The following METTL15 variants were observed in gnomAD, a reference collection of about 807,000 sequenced individuals.
The protein encoded by METTL15 is 12S rRNA N(4)-cytidine methyltransferase METTL15.
METTL15 carries 34 observed loss-of-function variants against 38.3 expected under a neutral mutation model. The observed-to-expected ratio is 0.89, with a 90% CI of 0.68 to 1.18. The LOEUF (loss-of-function observed/expected upper bound fraction) is 1.18. Among genes scored for constraint, METTL15 ranks in the 50% most tolerant of loss-of-function variants. The pLI, the probability that METTL15 is intolerant of heterozygous loss-of-function variation, is 0.00. For missense variants in METTL15, 438 were observed against 498.4 expected, an observed-to-expected ratio of 0.88 and a Z score of 1.15; for synonymous variants, 162 against 170.9, an observed-to-expected ratio of 0.95 and a Z score of 0.41.
intron 3 of METTL15, among the ~76,000 whole-genome samples, chr11:28,164,624 T>C (rs1341438902): frequency 6.6e-6 from 1 of 152,102 alleles, no homozygotes; most frequent in African/African-American, 2.4e-5. Context: ...TACGGAATGA[T>C]TAAATCAAGC....
chr11:28,529,789 G>T (rs1485041139), downstream of METTL15, among the ~76,000 whole-genome samples: 1 of 151,958 alleles, frequency 6.6e-6, no homozygotes, highest in Non-Finnish European at 1.5e-5. Context: ...GTGCCCTCTG[G>T]TGGACAAAAT....
At chr11:28,307,291 G>C (rs1436574745) in intron 6 of METTL15, among the ~76,000 whole-genome samples, 1 of 151,826 alleles carries the variant, frequency 6.6e-6, no homozygotes, top group East Asian at 1.9e-4. Context: ...TGGACTACAA[G>C]ACTATATGAG....
intron 6 of METTL15, among the ~76,000 whole-genome samples, chr11:28,518,450 A>G (rs1250755972): frequency 6.6e-6 from 1 of 152,236 alleles, no homozygotes; most frequent in Admixed American, 6.5e-5. Flanking sequence ...TCTAGCAGCG[A>G]GGTGGCTGCA....
chr11:28,486,998 A>T (rs1035638280), intron 6 of METTL15, among the ~76,000 whole-genome samples: 1 of 152,094 alleles, frequency 6.6e-6, no homozygotes, highest in African/African-American at 2.4e-5. Flanking sequence ...TAAAATGCAA[A>T]TTAAGAAAAA....
At chr11:28,481,717 G>A (rs2133473633) in intron 6 of METTL15, among the ~76,000 whole-genome samples, 1 of 152,272 alleles carries the variant, frequency 6.6e-6, no homozygotes, top group East Asian at 1.9e-4. Flanking sequence ...CCGCAGCTCA[G>A]GCTGCTCAGC....
At chr11:28,185,559 G>A (rs1018400261) in intron 3 of METTL15, among the ~76,000 whole-genome samples, 3 of 151,404 alleles carry the variant, frequency 2.0e-5, no homozygotes, top group African/African-American at 4.8e-5. Context: ...ATTAGTGATA[G>A]TTCAGGATCA....
chr11:28,267,923 C>T (rs147834734), intron 4 of METTL15, among the ~76,000 whole-genome samples: 15,836 of 152,108 alleles, frequency 0.1, 1,106 homozygotes, highest in South Asian at 0.24. Context: ...ATTGGCCGGG[C>T]GCGGTGGCTC....
At chr11:28,158,827 A>G (rs1357454339) in intron 3 of METTL15, among the ~76,000 whole-genome samples, 1 of 152,172 alleles carries the variant, frequency 6.6e-6, no homozygotes, top group Non-Finnish European at 1.5e-5. Flanking sequence ...GAATGGTGGA[A>G]TGGCCTTTTG....
intron 4 of METTL15, among the ~76,000 whole-genome samples, chr11:28,240,035 T>C (rs1854222112): frequency 6.6e-6 from 1 of 152,172 alleles, no homozygotes; most frequent in African/African-American, 2.4e-5. Flanking sequence ...AATAAATATT[T>C]GCTGAAAGAG....
chr11:28,392,590 G>T (rs947151073), intron 5 of METTL15, among the ~76,000 whole-genome samples: 1 of 152,040 alleles, frequency 6.6e-6, no homozygotes, highest in Non-Finnish European at 1.5e-5. Context: ...CATGATATTG[G>T]ATTTTGCAGT....
chr11:28,142,781 G>A (rs1413552674), intron 3 of METTL15, among the ~76,000 whole-genome samples: 1 of 152,072 alleles, frequency 6.6e-6, no homozygotes, highest in Non-Finnish European at 1.5e-5. Flanking sequence ...CAGAGGATGT[G>A]GGCTAACTAG....
intron 6 of METTL15, among the ~76,000 whole-genome samples, chr11:28,510,444 G>A (rs1438381803): frequency 1.3e-5 from 2 of 152,114 alleles, no homozygotes; most frequent in South Asian, 2.1e-4. Context: ...TGTAGCTAAT[G>A]TCCAATAGTG....
At chr11:28,220,216 G>A (rs1177599302) in intron 4 of METTL15, among the ~76,000 whole-genome samples, 1 of 151,846 alleles carries the variant, frequency 6.6e-6, no homozygotes, top group Non-Finnish European at 1.5e-5. Context: ...GTAGGTCTCT[G>A]AGGACTTGCT....
At chr11:28,158,372 A>G (rs1054735961) in intron 3 of METTL15, among the ~76,000 whole-genome samples, 1 of 152,030 alleles carries the variant, frequency 6.6e-6, no homozygotes, top group Non-Finnish European at 1.5e-5. Context: ...GCAGGGATGG[A>G]GTTTATGCAT....
At chr11:28,388,489 A>G (rs1330744659) in intron 5 of METTL15, among the ~76,000 whole-genome samples, 1 of 152,166 alleles carries the variant, frequency 6.6e-6, no homozygotes, top group Non-Finnish European at 1.5e-5. Flanking sequence ...AGTTAGGAAT[A>G]AATTTAACCA....
intron 3 of METTL15, among the ~76,000 whole-genome samples, chr11:28,142,472 C>T (rs1006711610): frequency 4.6e-5 from 7 of 152,134 alleles, no homozygotes; most frequent in African/African-American, 1.7e-4. Context: ...ATTTTTCTCT[C>T]CTGATTTATT....
At chr11:28,314,867 C>G (rs1857426561) in intron 6 of METTL15, among the ~76,000 whole-genome samples, 1 of 152,166 alleles carries the variant, frequency 6.6e-6, no homozygotes, top group Non-Finnish European at 1.5e-5. Flanking sequence ...ACGGGAGATG[C>G]CCTGCACAAG....
rs148241155 is a variant in METTL15, at chr11:28,150,369, T to C, written c.270+36765T>C. On this transcript the variant is annotated intron_variant, in intron 3 of 6. Coordinates refer to ENST00000407364, the MANE Select transcript of METTL15 (RefSeq NM_001113528.2). ...ACTTAGGCCATGAAATTGAGGTGGA[T>C]TTTTGTGAGAGATATTGAGGGAAAA... Among the ~76,000 whole-genome samples the C allele has an allele frequency of 2.6e-3, 389 of 151,990 alleles. 4 individuals are homozygous for C. Among genetic ancestry groups the C allele is most frequent in the African/African-American group, 8.6e-3 (357 of 41,530 alleles).
chr11:28,328,127 A>G, intron 6 of METTL15: 2 of 1,611,682 alleles, frequency 1.2e-6, no homozygotes, highest in Non-Finnish European at 1.7e-6. Context: ...AGTGGCCCAA[A>G]CTCTTTATTA....
Sources: gnomAD v4.1 joint callset for allele counts (sites outside exome capture counted in the v4.1 genomes callset) on GRCh38, gnomAD v4.1.1 for gene constraint, MANE v1.5 for transcripts, NCBI Gene and HGNC (gene_info 2026-07-23, HGNC 2026-07-21) for gene names.